THTPA: variants seen among roughly 807,000 people sequenced by gnomAD.
THTPA encodes thiamine-triphosphatase.
Under a neutral mutation model 16.5 loss-of-function variants are expected in THTPA, and 16 were observed. The ratio of observed to expected loss-of-function variants is 0.97; its 90% CI spans 0.66 to 1.47. The LOEUF (loss-of-function observed/expected upper bound fraction) is 1.47. Among genes scored for constraint, THTPA ranks in the 40% most tolerant of loss-of-function variants. The pLI, the probability that THTPA is intolerant of heterozygous loss-of-function variation, is 0.00. For missense variants in THTPA, 281 were observed against 280.9 expected (o/e 1.00, Z 0.00); for synonymous variants, 110 against 115.5 (o/e 0.95, Z 0.30).
chr14:23,536,378 T>A, the THTPA span, among the ~76,000 whole-genome samples: 3 of 152,168 alleles, frequency 2.0e-5, no homozygotes, highest in Non-Finnish European at 4.4e-5. Flanking sequence ...AGATAGGGCA[T>A]AATTGATTTC....
At chr14:23,523,292 G>C in the THTPA span, 9 of 1,441,710 alleles carry the variant, frequency 6.2e-6, no homozygotes, top group Non-Finnish European at 7.3e-6. The surrounding 1 kb of genome is among the most constrained non-coding windows in gnomAD (Gnocchi z 4.1). Flanking sequence ...CAAGGTTGGG[G>C]CAGCCCCGAG....
rs780728357 is a variant in THTPA, at chr14:23,560,245, C to A, written c.*1405C>A. ...CCCCAGGCCACCTCTGAACTCTGAT[C>A]TTTACAAACCTTGGGCACAGCAGCC... On this transcript the variant is annotated 3_prime_UTR_variant, in exon 2 of 2. Coordinates refer to ENST00000288014, the MANE Select transcript of THTPA (RefSeq NM_024328.6). 2 of 1,612,884 alleles carry A rather than the reference C, an allele frequency of 1.2e-6. No individual in the cohort carries two copies. The highest frequency in any genetic ancestry group is 2.2e-5 in the South Asian group (2 of 91,000).
At chr14:23,537,165 CAG>C in the THTPA span, among the ~76,000 whole-genome samples, 7 of 151,932 alleles carry the variant, frequency 4.6e-5, no homozygotes, top group Non-Finnish European at 7.4e-5. Context: ...ACCAAAAAAA[CAG>C]AAAGAAAGAA....
At chr14:23,524,388 C>T in the THTPA span, 2 of 1,536,184 alleles carry the variant, frequency 1.3e-6, no homozygotes, top group Admixed American at 2.0e-5. This position sits in a 1 kb window ranked among gnomAD's most constrained non-coding sequence, Gnocchi z 5.6. Flanking sequence ...GGGGGCTCGC[C>T]CTCCCCTCCT....
At chr14:23,547,783 T>C in the THTPA span, among the ~76,000 whole-genome samples, 1 of 152,176 alleles carries the variant, frequency 6.6e-6, no homozygotes, top group South Asian at 2.1e-4. Context: ...TCCCTACTAA[T>C]TCAACGTTTG....
chr14:23,524,509 C>T, the THTPA span: 1 of 1,527,168 alleles, frequency 6.5e-7, no homozygotes, highest in Non-Finnish European at 8.8e-7. This position sits in a 1 kb window ranked among gnomAD's most constrained non-coding sequence, Gnocchi z 5.6. Flanking sequence ...TCTCCCCAAA[C>T]ACCAGCAAGG....
At chr14:23,514,795 A>T in the THTPA span, among the ~76,000 whole-genome samples, 3 of 152,266 alleles carry the variant, frequency 2.0e-5, no homozygotes, top group South Asian at 6.2e-4. Flanking sequence ...AGTGGTGGCC[A>T]GGCATTGGGT....
chr14:23,551,674 T>TCTCCTCCTCGCCCTCCTCCTCCTC (rs1182611455), upstream of THTPA: 5 of 151,734 alleles, frequency 3.3e-5, no homozygotes, highest in Admixed American at 1.3e-4. The surrounding 1 kb of genome is among the most constrained non-coding windows in gnomAD (Gnocchi z 5.3). Flanking sequence ...TCCTCCTCCT[T>TCTCCTCCTCGCCCTCCTCCTCCTC]CTCCTCCTCG....
chr14:23,519,212 C>A, the THTPA span, among the ~76,000 whole-genome samples: 190 of 152,270 alleles, frequency 1.2e-3, 2 homozygotes, highest in African/African-American at 4.2e-3. Flanking sequence ...ATAGTTCAAA[C>A]TGAAGTTGGC....
At chr14:23,548,921 CT>C in the THTPA span, among the ~76,000 whole-genome samples, 1 of 152,162 alleles carries the variant, frequency 6.6e-6, no homozygotes, top group African/African-American at 2.4e-5. Flanking sequence ...CATTTGTTTC[CT>C]TTGATACCTC....
At chr14:23,536,420 A>G in the THTPA span, among the ~76,000 whole-genome samples, 14 of 152,128 alleles carry the variant, frequency 9.2e-5, no homozygotes, top group Admixed American at 3.9e-4. Context: ...CTTCTCTCCA[A>G]TGCCTTCCAG....
the THTPA span, chr14:23,529,506 C>T: frequency 1.7e-6 from 1 of 579,122 alleles, no homozygotes; most frequent in Admixed American, 3.0e-5. Flanking sequence ...CTATCATCTC[C>T]CTCTGTGCTT....
intron 1 of THTPA, among the ~76,000 whole-genome samples, chr14:23,558,218 C>T (rs1255755218): frequency 3.3e-5 from 5 of 152,242 alleles, no homozygotes; most frequent in Non-Finnish European, 4.4e-5. Flanking sequence ...CATGTAGAGG[C>T]GAGAATTCTA....
At chr14:23,537,236 T>C in the THTPA span, among the ~76,000 whole-genome samples, 3 of 152,056 alleles carry the variant, frequency 2.0e-5, no homozygotes, top group East Asian at 5.8e-4. Flanking sequence ...ATCCTTTTTT[T>C]TTTTTCTAAA....
At chr14:23,541,279 T>C in the THTPA span, among the ~76,000 whole-genome samples, 2 of 149,724 alleles carry the variant, frequency 1.3e-5, no homozygotes, top group Non-Finnish European at 3.0e-5. Context: ...GAATCTTAGA[T>C]GGACAGGATT....
the THTPA span, chr14:23,534,258 G>T: frequency 6.5e-7 from 1 of 1,528,820 alleles, no homozygotes; most frequent in African/African-American, 1.4e-5. The surrounding 1 kb of genome is among the most constrained non-coding windows in gnomAD (Gnocchi z 4.5). Context: ...CTTGGGTTGG[G>T]CTGGGGTCCC....
chr14:23,531,138 G>A, the THTPA span: 220 of 197,728 alleles, frequency 1.1e-3, 2 homozygotes, highest in East Asian at 0.02. Flanking sequence ...CACAAAACAG[G>A]TTCTCTCTCC....
the THTPA span, chr14:23,526,513 C>T: frequency 6.1e-5 from 94 of 1,535,698 alleles, no homozygotes; most frequent in South Asian, 1.3e-4. Flanking sequence ...CCATGGTGGG[C>T]GGAGGAGCTA....
At chr14:23,532,727 C>T in the THTPA span, 1 of 1,535,484 alleles carries the variant, frequency 6.5e-7, no homozygotes, top group Non-Finnish European at 8.7e-7. Flanking sequence ...GGAAGGGGTG[C>T]CCATGGCTCC....
Sources: gnomAD v4.1 joint callset for allele counts (sites outside exome capture counted in the v4.1 genomes callset) on GRCh38, gnomAD v4.1.1 for gene constraint, Gnocchi (gnomAD v3.1) non-coding constraint, MANE v1.5 for transcripts, NCBI Gene and HGNC (gene_info 2026-07-23, HGNC 2026-07-21) for gene names.